Variants in NCOA3 observed in about 807,000 individuals in gnomAD.
NCOA3 encodes the protein nuclear receptor coactivator 3.
A neutral mutation model predicts 158.8 loss-of-function variants in NCOA3; 51 were observed. That is an observed-to-expected ratio of 0.32 (90% CI 0.26 to 0.41). The LOEUF (loss-of-function observed/expected upper bound fraction) is 0.41. Ranked by LOEUF, NCOA3 falls within the 10% of genes least tolerant of loss-of-function variation. The pLI is 1.00. For missense variants in NCOA3, 1,510 were observed against 1,746.6 expected (o/e 0.86, Z 2.41); for synonymous variants, 537 against 592.4 (o/e 0.91, Z 1.36).
chr20:47,538,956 A>G (rs1451358375), intron 1 of NCOA3, among the ~76,000 whole-genome samples: 1 of 152,140 alleles, frequency 6.6e-6, no homozygotes, highest in Non-Finnish European at 1.5e-5. Flanking sequence ...TGGCTGTTTT[A>G]CTTTTTCTCA....
At position 47,510,432 on chromosome 20, in the gene NCOA3, C is replaced by CAAAAAAA. The variant is rs59554529; in HGVS notation, c.-99+8422_-99+8428dup. ...TGGGTGACAGAGCAAGACTCCATCT[C>CAAAAAAA]AAAAAAAAAAAAAAAGTACACGATC... On this transcript the variant is annotated intron_variant, in intron 1 of 22. Coordinates refer to ENST00000371998, the MANE Select transcript of NCOA3 (RefSeq NM_181659.3). Among the ~76,000 whole-genome samples the CAAAAAAA allele has an allele frequency of 2.5e-4, 17 of 67,860 alleles. 3 individuals carry two copies. The highest frequency in any genetic ancestry group is 7.2e-4 in the African/African-American group (13 of 17,936). The allele number at this position is 67,860 out of a possible 152,430, so 44.5% of individuals were successfully genotyped here.
chr20:47,603,059 G>A lies in NCOA3; in HGVS notation c.-19-19170G>A, dbSNP rs1017188122. Among the ~76,000 whole-genome samples, 12 of 152,140 alleles carry A rather than the reference G, an allele frequency of 7.9e-5. No homozygotes were observed. The South Asian group carries it at 8.3e-4, about 11-fold the overall frequency. ...AAATGCCTTTCCTAATAAGAGTTCC[G>A]TTTCTACAAATTCTTTTGACAGAGA... is the stretch of plus-strand genomic sequence containing the variant. On this transcript the variant is annotated intron_variant, in intron 2 of 22. Transcript: ENST00000371998.
At position 47,636,734 on chromosome 20, in the gene NCOA3, C is replaced by T; in HGVS notation, c.2348C>T (p.Pro783Leu). The T allele has an allele frequency of 1.2e-6, 2 of 1,611,676 alleles. No individual in the cohort carries two copies. Among genetic ancestry groups the T allele is most frequent in the South Asian group, 1.1e-5 (1 of 90,952 alleles). Residue 783 changes from proline to leucine, a missense_variant, in exon 12 of 23, where the codon CCT becomes CTT. Around this residue, in one of 4 missense-constraint regions of NCOA3, gnomAD observed 1,017 missense variants for 1,098.3 expected, o/e 0.93. Coordinates refer to ENST00000371998, the MANE Select transcript of NCOA3 (RefSeq NM_181659.3). ...CCTAGCTCAAGTCAAGAGAAAGACC[C>T]TAAAATTAAGACAGAGACAAGTGAA... Reference protein sequence around the residue: ...TIPSSSQEKDPKIKTETSEEG... With the variant: ...TIPSSSQEKDLKIKTETSEEG...
rs188735610 is a variant in NCOA3, at chr20:47,505,166, A to G, written c.-99+3147A>G. On this transcript the variant is annotated intron_variant, in intron 1 of 22. Transcript: ENST00000371998. ...AACCTCTGCCTCCTGGGTTCAAGCAATTCTCCTGTGTCAGCCTCCCAAGTA... is the reference window on the plus strand; with the variant it reads ...AACCTCTGCCTCCTGGGTTCAAGCAGTTCTCCTGTGTCAGCCTCCCAAGTA... 6.6e-3 allele frequency among the ~76,000 whole-genome samples: 980 copies of G among 149,042 alleles called. 15 individuals are homozygous for G. Among genetic ancestry groups the G allele is most frequent in the African/African-American group, 0.023 (925 of 40,524 alleles).
intron 2 of NCOA3, among the ~76,000 whole-genome samples, chr20:47,595,039 G>T (rs2085729927): frequency 6.6e-6 from 1 of 150,888 alleles, no homozygotes; most frequent in Non-Finnish European, 1.5e-5. Context: ...CAATCCGCCT[G>T]CCTTTGCCTC....
At chr20:47,585,142 C>T (rs2085516378) in intron 2 of NCOA3, among the ~76,000 whole-genome samples, 1 of 147,070 alleles carries the variant, frequency 6.8e-6, no homozygotes, top group East Asian at 2.0e-4. Context: ...GCTTCTGCCT[C>T]CTGGATTCAA....
rs147696158 is a variant in NCOA3, at chr20:47,538,690, C to T, written c.-99+36671C>T. The stretch of plus-strand genomic sequence containing the variant: ...GTAGCTGGGATTACAAGATTACAGG[C>T]GTGTGCCACCATGCCAGTCTAATTT... On this transcript the variant is annotated intron_variant, in intron 1 of 22. Transcript: ENST00000371998. Among the ~76,000 whole-genome samples the T allele has an allele frequency of 7.4e-3, 1,120 of 152,106 alleles. 15 individuals are homozygous for T. The highest frequency in any genetic ancestry group is 0.025 in the African/African-American group (1,056 of 41,510).
intron 1 of NCOA3, among the ~76,000 whole-genome samples, chr20:47,541,866 T>C (rs1406432842): frequency 1.3e-5 from 2 of 151,850 alleles, no homozygotes; most frequent in African/African-American, 2.4e-5. Context: ...GTTCTCCTCA[T>C]TTTTTAATTT....
chr20:47,649,066 C>G lies in NCOA3; in HGVS notation c.3608C>G (p.Ala1203Gly). ...ATGGAAAACCCTACTGCTGGTGGTG[C>G]TGCGGTGATGAGGCCTATGATGCAG... ...LKMENPTAGG[A>G]AVMRPMMQPQ... Residue 1203 changes from alanine (A) to glycine (G), a missense_variant, in exon 19 of 23, where the codon GCT (alanine) becomes GGT (glycine). Ala to Gly is a moderately conservative substitution (Grantham distance 60). Transcript: ENST00000371998. The G allele has an allele frequency of 6.2e-7, 1 of 1,614,054 alleles. No homozygotes were observed. The highest frequency in any genetic ancestry group is 8.5e-7 in the Non-Finnish European group (1 of 1,179,978).
intron 1 of NCOA3, among the ~76,000 whole-genome samples, chr20:47,538,807 G>A (rs1348418356): frequency 6.6e-6 from 1 of 152,228 alleles, no homozygotes; most frequent in Non-Finnish European, 1.5e-5. Context: ...GCCTCCCAAA[G>A]TGTTGGGATT....
In NCOA3 at chr20:47,642,320, A is replaced by G; in HGVS notation, c.3188A>G (p.Asn1063Ser). Residue 1063 changes from asparagine to serine, a missense_variant, in exon 17 of 23, where the codon AAC (asparagine) becomes AGC (serine). Physicochemically the swap from Asn to Ser is conservative, Grantham distance 46. Around this residue, in one of 4 missense-constraint regions of NCOA3, gnomAD observed 1,017 missense variants for 1,098.3 expected, o/e 0.93. Transcript: ENST00000371998. ...LLDQLHTLLSNTDATGLEEID... is the reference protein window; with the variant it reads ...LLDQLHTLLSSTDATGLEEID... ...GACCAGCTGCACACTCTTCTCAGCA[A>G]CACAGATGCCACAGGCCTGGAAGAA... The G allele has an allele frequency of 6.2e-7, 1 of 1,613,444 alleles. No homozygotes were observed. Among genetic ancestry groups the G allele is most frequent in the Non-Finnish European group, 8.5e-7 (1 of 1,179,846 alleles).
intron 8 of NCOA3, chr20:47,631,367 AGGAAAT>A (rs1352126792): frequency 6.6e-6 from 1 of 152,256 alleles, no homozygotes; most frequent in African/African-American, 2.4e-5. Flanking sequence ...AGTCTTTTTT[AGGAAAT>A]GGATTAACCA....
chr20:47,548,844 A>G (rs564923149), intron 1 of NCOA3, among the ~76,000 whole-genome samples: 1 of 152,210 alleles, frequency 6.6e-6, no homozygotes, highest in African/African-American at 2.4e-5. Flanking sequence ...GATGTGAAAT[A>G]ATATCTGTGA....
intron 1 of NCOA3, among the ~76,000 whole-genome samples, chr20:47,553,361 C>A (rs532978792): frequency 6.6e-6 from 1 of 151,732 alleles, no homozygotes; most frequent in Non-Finnish European, 1.5e-5. Context: ...TTGCAGTGTC[C>A]GATCAAGATA....
intron 1 of NCOA3, among the ~76,000 whole-genome samples, chr20:47,544,976 T>C (rs990086841): frequency 2.0e-5 from 3 of 152,132 alleles, no homozygotes; most frequent in African/African-American, 7.2e-5. Flanking sequence ...TCCCCTATGT[T>C]TGAGAAGTTT....
intron 2 of NCOA3, among the ~76,000 whole-genome samples, chr20:47,586,938 T>G (rs1249561949): frequency 5.3e-5 from 8 of 152,222 alleles, no homozygotes; most frequent in African/African-American, 1.9e-4. Context: ...TTGCCAGATT[T>G]CTCCACCATT....
intron 1 of NCOA3, among the ~76,000 whole-genome samples, chr20:47,508,899 T>A (rs4809639): frequency 0.85 from 128,701 of 152,200 alleles, 55,445 homozygotes; most frequent in Non-Finnish European, 0.91. Flanking sequence ...CAATCTCTCT[T>A]GGCCAGTTTT....
rs745674844 is a variant in NCOA3 at position 47,635,618 on chromosome 20, G to GT, written c.1410dup (p.Pro471SerfsTer16). The GT allele has an allele frequency of 6.2e-7, 1 of 1,614,200 alleles. No individual in the cohort carries two copies. The highest frequency in any genetic ancestry group is 1.7e-5 in the Admixed American group (1 of 60,018). On this transcript the variant is annotated frameshift_variant, in exon 11 of 23. Transcript: ENST00000371998. LOFTEE classifies it high-confidence loss of function. ...AACATGAGTAGCCCCCCACATGGGA[G>GT]TCCTGGTCTTGCCCCAAACCAGCAG...
At chr20:47,644,950 C>G (rs57553294) in intron 17 of NCOA3, among the ~76,000 whole-genome samples, 2 of 151,208 alleles carry the variant, frequency 1.3e-5, no homozygotes, top group African/African-American at 4.9e-5. Context: ...CCTGCCTCGG[C>G]CTCCCAAAGT....
Sources: allele counts gnomAD v4.1 joint callset (sites outside exome capture counted in the v4.1 genomes callset), GRCh38; gene constraint gnomAD v4.1.1; regional missense constraint gnomAD v4.1.1; transcripts MANE v1.5; gene names NCBI Gene and HGNC (gene_info 2026-07-23, HGNC 2026-07-21).